Variants in KCNH5 observed in about 807,000 individuals in gnomAD.
KCNH5 encodes the protein voltage-gated delayed rectifier potassium channel KCNH5.
KCNH5 carries 46 observed loss-of-function variants against 96.1 expected under a neutral mutation model. The observed-to-expected ratio is 0.48, with a 90% confidence interval of 0.38 to 0.61. The LOEUF is 0.61. KCNH5 is among the 20% of genes least tolerant of loss of function. The pLI is 0.00. For missense variants in KCNH5, 907 were observed against 1,225.8 expected (o/e 0.74, Z 3.88); for synonymous variants, 439 against 449.8 (o/e 0.98, Z 0.30).
At chr14:62,916,764 T>C (rs1183771136) in intron 7 of KCNH5, among the ~76,000 whole-genome samples, 1 of 152,180 alleles carries the variant, frequency 6.6e-6, no homozygotes, top group Non-Finnish European at 1.5e-5. Flanking sequence ...ATTCCTGCAG[T>C]GTGGCACAGG....
In KCNH5 at chr14:62,721,686, T is replaced by C. The variant is rs139592605; in HGVS notation, c.2020-13231A>G. Among the ~76,000 whole-genome samples the C allele has an allele frequency of 2.7e-3, 416 of 152,224 alleles. 2 individuals carry two copies. The highest frequency in any genetic ancestry group is 9.8e-3 in the African/African-American group (407 of 41,530). On this transcript the variant is annotated intron_variant, in intron 10 of 10. Transcript: ENST00000322893. ...TCCCTCCTACCTAGTCTAATTTCAT[T>C]TCCATATCTACATACAAGCCACCCA...
At chr14:62,969,969 C>G (rs1190776681) in intron 6 of KCNH5, among the ~76,000 whole-genome samples, 1 of 133,352 alleles carries the variant, frequency 7.5e-6, no homozygotes, top group Non-Finnish European at 1.5e-5. Context: ...GGCTGGGAGG[C>G]AGAGGTTGCA....
intron 7 of KCNH5, among the ~76,000 whole-genome samples, chr14:62,902,137 A>T (rs924769513): frequency 6.6e-6 from 1 of 152,068 alleles, no homozygotes; most frequent in Non-Finnish European, 1.5e-5. Context: ...TGTAGTTTGC[A>T]AATATTTTCT....
chr14:62,990,099 T>C (rs1045699943), intron 4 of KCNH5, among the ~76,000 whole-genome samples: 1 of 151,610 alleles, frequency 6.6e-6, no homozygotes, highest in Non-Finnish European at 1.5e-5. Context: ...TCGTTCCCTG[T>C]GTGAAAAAAA....
At position 62,732,706 on chromosome 14, in the gene KCNH5, G is replaced by A. The variant is rs559842879; in HGVS notation, c.2020-24251C>T. On this transcript the variant is annotated intron_variant, in intron 10 of 10. Coordinates refer to ENST00000322893, the MANE Select transcript of KCNH5 (RefSeq NM_139318.5). ...TACTTATTGCTTTGTTTTCAGTTGC[G>A]TGTGACCAATGGGAAGCACTAGAAG... 9.2e-5 allele frequency among the ~76,000 whole-genome samples: 14 copies of A among 152,108 alleles called. 1 individual carries two copies. Among genetic ancestry groups the A allele is most frequent in the African/African-American group, 2.9e-4 (12 of 41,498 alleles).
intron 1 of KCNH5, among the ~76,000 whole-genome samples, chr14:63,029,268 CCAGAACTTGGA>C (rs1891582191): frequency 1.3e-5 from 1 of 79,906 alleles, no homozygotes; most frequent in African/African-American, 8.2e-5. Context: ...AAATATTCTC[CCAGAACTTGGA>C]TCCCTTCTCC....
intron 8 of KCNH5, among the ~76,000 whole-genome samples, chr14:62,817,650 A>G (rs1189774603): frequency 4.0e-5 from 6 of 149,882 alleles, no homozygotes; most frequent in Non-Finnish European, 7.4e-5. Flanking sequence ...TTTCTTACAC[A>G]TTATTTATGC....
At chr14:63,036,021 G>C (rs981308514) in intron 1 of KCNH5, among the ~76,000 whole-genome samples, 2 of 152,208 alleles carry the variant, frequency 1.3e-5, no homozygotes, top group African/African-American at 4.8e-5. Context: ...GCACAGTTGA[G>C]AGCACTGCTC....
At chr14:62,846,115 T>G (rs973082637) in intron 8 of KCNH5, among the ~76,000 whole-genome samples, 1 of 152,206 alleles carries the variant, frequency 6.6e-6, no homozygotes, top group Non-Finnish European at 1.5e-5. Context: ...TTTACCATAT[T>G]AAAAATGTTT....
chr14:63,044,285 T>C (rs1465259226), intron 1 of KCNH5, among the ~76,000 whole-genome samples: 2 of 152,222 alleles, frequency 1.3e-5, no homozygotes, highest in African/African-American at 2.4e-5. Context: ...TGTGGAAATA[T>C]ATAACCATTC....
At chr14:62,731,183 C>T (rs898299350) in intron 10 of KCNH5, among the ~76,000 whole-genome samples, 1 of 151,926 alleles carries the variant, frequency 6.6e-6, no homozygotes, top group South Asian at 2.1e-4. Context: ...TGCCTATAAT[C>T]CCAGCTACTT....
intron 7 of KCNH5, among the ~76,000 whole-genome samples, chr14:62,895,509 C>T (rs1382125579): frequency 6.6e-6 from 1 of 151,920 alleles, no homozygotes; most frequent in East Asian, 1.9e-4. Context: ...TTTGTATTTT[C>T]TTTAGTAGAG....
chr14:62,712,679 G>C, intron 10 of KCNH5: 1 of 778,806 alleles, frequency 1.3e-6, no homozygotes, highest in South Asian at 1.4e-5. Flanking sequence ...CACCCAGCAG[G>C]TCACCCTTCA....
chr14:62,765,378 A>C (rs1885838604), intron 10 of KCNH5, among the ~76,000 whole-genome samples: 1 of 152,154 alleles, frequency 6.6e-6, no homozygotes, highest in South Asian at 2.1e-4. Flanking sequence ...CAACTCAGGC[A>C]GATTAAAGAA....
intron 9 of KCNH5, among the ~76,000 whole-genome samples, chr14:62,794,595 T>C (rs925611171): frequency 5.9e-5 from 9 of 152,128 alleles, no homozygotes; most frequent in African/African-American, 1.4e-4. Flanking sequence ...TAATAATGTA[T>C]ACAAAATAAT....
rs540194291 is a variant in KCNH5, at chr14:62,896,487, A to G, written c.1370-46635T>C. On this transcript the variant is annotated intron_variant, in intron 7 of 10. Coordinates refer to ENST00000322893, the MANE Select transcript of KCNH5 (RefSeq NM_139318.5). ...GGAGCCTCCCTTTCACCTTCCTCTT[A>G]CCATGAGGAGTATCCTTAAAGGAAA... Among the ~76,000 whole-genome samples the G allele has an allele frequency of 2.4e-4, 36 of 152,292 alleles. No individual in the cohort carries two copies. The South Asian group carries it at 4.8e-3, about 20-fold the overall frequency.
intron 9 of KCNH5, among the ~76,000 whole-genome samples, chr14:62,795,370 T>G (rs1886519179): frequency 1.3e-5 from 2 of 152,112 alleles, no homozygotes; most frequent in African/African-American, 4.8e-5. Context: ...AGAAAATATT[T>G]GGGGTAAAAA....
chr14:63,041,741 T>G (rs1312705982), intron 1 of KCNH5, among the ~76,000 whole-genome samples: 1 of 152,096 alleles, frequency 6.6e-6, no homozygotes, highest in Non-Finnish European at 1.5e-5. Context: ...TTATTTTATT[T>G]TATAGACTTT....
At chr14:63,042,050 G>A (rs929606582) in intron 1 of KCNH5, among the ~76,000 whole-genome samples, 1 of 151,956 alleles carries the variant, frequency 6.6e-6, no homozygotes, top group Non-Finnish European at 1.5e-5. Context: ...TCAGTTCATT[G>A]GTGATACCCA....
Sources: gnomAD v4.1 joint callset for allele counts (sites outside exome capture counted in the v4.1 genomes callset) on GRCh38, gnomAD v4.1.1 for gene constraint, MANE v1.5 for transcripts, NCBI Gene and HGNC (gene_info 2026-07-23, HGNC 2026-07-21) for gene names.